Variants in CNTN5 observed in about 807,000 individuals in gnomAD.
CNTN5 encodes contactin-5.
CNTN5 carries 77 observed loss-of-function variants against 129.1 expected under a neutral mutation model. The observed-to-expected ratio is 0.60, with a 90% CI of 0.50 to 0.72. The LOEUF (loss-of-function observed/expected upper bound fraction) is 0.72, where lower values mean the gene tolerates loss of function less well. Ranked by LOEUF, CNTN5 falls within the 30% of genes least tolerant of loss-of-function variation. CNTN5 has a pLI of 0.00. For synonymous variants in CNTN5, 509 were observed against 465.6 expected (o/e 1.09, Z -1.20); for missense variants, 1,478 against 1,328.8 (o/e 1.11, Z -1.75).
chr11:99,265,464 C>T (rs755734370), intron 1 of CNTN5, among the ~76,000 whole-genome samples: 1 of 151,816 alleles, frequency 6.6e-6, no homozygotes, highest in Admixed American at 6.6e-5. Context: ...AGCTGAAAGA[C>T]AATAAAACAG....
intron 6 of CNTN5, among the ~76,000 whole-genome samples, chr11:99,884,206 ACAT>A (rs1266349064): frequency 1.3e-5 from 2 of 152,176 alleles, no homozygotes; most frequent in African/African-American, 4.8e-5. Flanking sequence ...TAACAATCAA[ACAT>A]CATCATTCAT....
chr11:99,242,112 C>A (rs1302069887), intron 1 of CNTN5, among the ~76,000 whole-genome samples: 1 of 151,956 alleles, frequency 6.6e-6, no homozygotes, highest in East Asian at 1.9e-4. Flanking sequence ...AATATATTTT[C>A]ACAAATGGAA....
At chr11:99,332,372 G>C (rs1440899680) in intron 2 of CNTN5, among the ~76,000 whole-genome samples, 1 of 151,836 alleles carries the variant, frequency 6.6e-6, no homozygotes, top group Non-Finnish European at 1.5e-5. Flanking sequence ...TTGTTCTTCT[G>C]CTTTTATTTT....
intron 3 of CNTN5, among the ~76,000 whole-genome samples, chr11:99,794,129 G>A (rs1271070871): frequency 2.0e-5 from 3 of 151,186 alleles, no homozygotes; most frequent in Non-Finnish European, 4.4e-5. Context: ...AGGATAGATA[G>A]GTCTTTTTGT....
chr11:99,516,778 TA>T (rs1323307431), intron 2 of CNTN5, among the ~76,000 whole-genome samples: 1 of 152,154 alleles, frequency 6.6e-6, no homozygotes. Flanking sequence ...CTATCATGTG[TA>T]AAAATGTTAG....
At chr11:99,919,947 G>C (rs1949895051) in intron 7 of CNTN5, among the ~76,000 whole-genome samples, 1 of 151,868 alleles carries the variant, frequency 6.6e-6, no homozygotes, top group African/African-American at 2.4e-5. Flanking sequence ...GAGCCACTGG[G>C]TCCAGCCAGA....
chr11:100,100,064 G>A (rs1304722625), intron 13 of CNTN5, among the ~76,000 whole-genome samples: 7 of 151,848 alleles, frequency 4.6e-5, no homozygotes, highest in African/African-American at 1.2e-4. Flanking sequence ...TATCTTTTCC[G>A]TTGGTATAAT....
intron 2 of CNTN5, among the ~76,000 whole-genome samples, chr11:99,539,907 G>A (rs1479887575): frequency 6.6e-6 from 1 of 152,086 alleles, no homozygotes; most frequent in Non-Finnish European, 1.5e-5. Context: ...ATTTGATCCA[G>A]TATACTCATT....
At chr11:99,163,876 T>A (rs1269544542) in intron 1 of CNTN5, among the ~76,000 whole-genome samples, 1 of 152,222 alleles carries the variant, frequency 6.6e-6, no homozygotes, top group Middle Eastern at 3.2e-3. Context: ...ATGACATCTC[T>A]TATTTGGAGG....
chr11:99,936,003 C>T (rs985857189), intron 7 of CNTN5, among the ~76,000 whole-genome samples: 2 of 152,156 alleles, frequency 1.3e-5, no homozygotes, highest in African/African-American at 2.4e-5. Context: ...TTTGATTCTT[C>T]CTGTCTACTT....
chr11:100,166,331 G>GC (rs1156635231), intron 13 of CNTN5, among the ~76,000 whole-genome samples: 1 of 151,540 alleles, frequency 6.6e-6, no homozygotes, highest in Non-Finnish European at 1.5e-5. Flanking sequence ...GATGATTACT[G>GC]CCCCCGGCAT....
chr11:100,221,873 A>G (rs1485713443), intron 15 of CNTN5, among the ~76,000 whole-genome samples: 4 of 152,202 alleles, frequency 2.6e-5, no homozygotes, highest in Non-Finnish European at 5.9e-5. Flanking sequence ...TTCCTAAGAG[A>G]CAAAAAGTGA....
At chr11:99,947,919 CT>C (rs1362279107) in intron 7 of CNTN5, among the ~76,000 whole-genome samples, 1 of 152,078 alleles carries the variant, frequency 6.6e-6, no homozygotes, top group Non-Finnish European at 1.5e-5. Context: ...TATGAATTTT[CT>C]TTTGCTTTTA....
At chr11:99,881,467 T>G (rs998345336) in intron 6 of CNTN5, among the ~76,000 whole-genome samples, 8 of 152,196 alleles carry the variant, frequency 5.3e-5, no homozygotes, top group African/African-American at 1.9e-4. Flanking sequence ...GTCACTTTGA[T>G]TCTACATTAG....
At chr11:99,669,454 GTGTGTGTGTGTGTGTGTGTA>G (rs1952940643) in intron 3 of CNTN5, among the ~76,000 whole-genome samples, 1 of 78,642 alleles carries the variant, frequency 1.3e-5, no homozygotes, top group Admixed American at 1.5e-4. Flanking sequence ...GTGTGTGTGT[GTGTGTGTGTGTGTGTGTGTA>G]TATGTGTATA....
intron 3 of CNTN5, among the ~76,000 whole-genome samples, chr11:99,579,797 T>G (rs79627502): frequency 6.7e-6 from 1 of 149,724 alleles, no homozygotes; most frequent in Non-Finnish European, 1.5e-5. Flanking sequence ...TTGACTTCCT[T>G]TTTTCCTAAT....
At position 99,426,496 on chromosome 11, in the gene CNTN5, A is replaced by G. The variant is rs143187810; in HGVS notation, c.-71+101012A>G. On this transcript the variant is annotated intron_variant, in intron 2 of 24. Transcript: ENST00000524871. The stretch of plus-strand genomic sequence containing the variant: ...CTATTAAATTTTAATCATCTTGACC[A>G]TAAGACAGAATTTTCGTAAGCCTTT... 9.3e-3 allele frequency among the ~76,000 whole-genome samples: 1,410 copies of G among 152,330 alleles called. 11 individuals are homozygous for G. The highest frequency in any genetic ancestry group is 0.014 in the Non-Finnish European group (948 of 68,030).
chr11:99,858,194 G>A (rs548106069), intron 6 of CNTN5, among the ~76,000 whole-genome samples: 1 of 152,156 alleles, frequency 6.6e-6, no homozygotes, highest in South Asian at 2.1e-4. Context: ...AAATTAAATA[G>A]CATTTTCAAA....
chr11:99,820,883 A>T (rs1035978773), intron 4 of CNTN5, among the ~76,000 whole-genome samples: 1 of 152,250 alleles, frequency 6.6e-6, no homozygotes, highest in African/African-American at 2.4e-5. Context: ...TATTGGAAAG[A>T]TTCTGGGAAT....
Sources: allele counts gnomAD v4.1 joint callset (sites outside exome capture counted in the v4.1 genomes callset), GRCh38; gene constraint gnomAD v4.1.1; transcripts MANE v1.5; gene names NCBI Gene and HGNC (gene_info 2026-07-23, HGNC 2026-07-21).